Variants in BLTP1 observed in about 807,000 individuals in gnomAD.
BLTP1 encodes bridge-like lipid transfer protein family member 1, also known as fragile site-associated protein.
At chr4:122,216,611 T>C in the BLTP1 span, among the ~76,000 whole-genome samples, 1 of 152,166 alleles carries the variant, frequency 6.6e-6, no homozygotes, top group Non-Finnish European at 1.5e-5. Context: ...GATGGGATTA[T>C]TTGTTTTTTC....
the BLTP1 span, among the ~76,000 whole-genome samples, chr4:122,319,504 A>T: frequency 6.8e-6 from 1 of 147,574 alleles, no homozygotes; most frequent in South Asian, 2.1e-4. Flanking sequence ...GTTAAATTCC[A>T]CTGTGGTCTA....
chr4:122,349,712 A>T, the BLTP1 span: 3 of 1,536,340 alleles, frequency 2.0e-6, no homozygotes, highest in African/African-American at 1.4e-5. The surrounding 1 kb of genome is among the most constrained non-coding windows in gnomAD (Gnocchi z 4.5). Context: ...TCATCTGGTG[A>T]GAAAACAGCA....
the BLTP1 span, chr4:122,281,442 A>G: frequency 7.0e-7 from 1 of 1,431,460 alleles, no homozygotes; most frequent in African/African-American, 1.4e-5. Context: ...CACAGTATAT[A>G]TTTGCTATTT....
the BLTP1 span, chr4:122,298,544 A>G: frequency 5.4e-6 from 2 of 370,734 alleles, no homozygotes; most frequent in African/African-American, 4.4e-5. Flanking sequence ...AGATTCTATA[A>G]TCCATTCCAT....
the BLTP1 span, chr4:122,202,403 A>C: frequency 6.3e-6 from 1 of 157,494 alleles, no homozygotes; most frequent in Non-Finnish European, 1.4e-5. Context: ...CTCAGGGATC[A>C]ATATTATTAT....
At chr4:122,229,948 T>G in the BLTP1 span, 1 of 1,612,534 alleles carries the variant, frequency 6.2e-7, no homozygotes, top group Non-Finnish European at 8.5e-7. Context: ...CAATTCGAGT[T>G]GCAAACTGTA....
chr4:122,306,144 C>G, the BLTP1 span: 1 of 1,183,228 alleles, frequency 8.5e-7, no homozygotes, highest in Non-Finnish European at 1.2e-6. Flanking sequence ...TGCTTGACAG[C>G]TAAATGGTTC....
At chr4:122,251,467 T>C in the BLTP1 span, 1 of 930,514 alleles carries the variant, frequency 1.1e-6, no homozygotes, top group Middle Eastern at 5.5e-4. Flanking sequence ...TTATTTAATA[T>C]GTAGTTTAAT....
At chr4:122,175,772 G>T in the BLTP1 span, 49 of 942,860 alleles carry the variant, frequency 5.2e-5, no homozygotes, top group Non-Finnish European at 7.0e-5. Context: ...TTATCAATTG[G>T]CTTCCTTTTG....
chr4:122,339,487 C>A, the BLTP1 span: 1 of 956,450 alleles, frequency 1.0e-6, no homozygotes, highest in South Asian at 3.1e-5. Context: ...GTAATTAATA[C>A]ATATTTTAAA....
At chr4:122,260,859 C>A in the BLTP1 span, among the ~76,000 whole-genome samples, 11 of 151,974 alleles carry the variant, frequency 7.2e-5, no homozygotes, top group African/African-American at 2.7e-4. Flanking sequence ...CTAGCGTACA[C>A]TGATATAGAT....
chr4:122,161,995 A>G, the BLTP1 span, among the ~76,000 whole-genome samples: 1 of 152,184 alleles, frequency 6.6e-6, no homozygotes, highest in Non-Finnish European at 1.5e-5. Flanking sequence ...CTAAACCGAT[A>G]ATTACAATAC....
At chr4:122,209,697 A>G in the BLTP1 span, 503 of 1,254,468 alleles carry the variant, frequency 4.0e-4, no homozygotes, top group African/African-American at 7.4e-3. Context: ...TTTTGTGCTT[A>G]TATGTGGAGA....
the BLTP1 span, chr4:122,280,082 C>G: frequency 8.9e-6 from 14 of 1,576,322 alleles, no homozygotes; most frequent in Non-Finnish European, 1.1e-5. Context: ...AGGGTTACTT[C>G]TAAGTATCGA....
At chr4:122,318,362 G>C in the BLTP1 span, 2 of 951,084 alleles carry the variant, frequency 2.1e-6, no homozygotes, top group Non-Finnish European at 3.2e-6. Context: ...TCTAAAGCAC[G>C]TTACATGTAA....
the BLTP1 span, among the ~76,000 whole-genome samples, chr4:122,252,992 A>C: frequency 6.6e-6 from 1 of 152,310 alleles, no homozygotes; most frequent in African/African-American, 2.4e-5. Flanking sequence ...AGGGAAGATA[A>C]TAAGAGCCTC....
At chr4:122,204,508 G>C in the BLTP1 span, 1 of 982,960 alleles carries the variant, frequency 1.0e-6, no homozygotes, top group African/African-American at 1.7e-5. Context: ...AGACTTATGA[G>C]GCTAGGAGGT....
At chr4:122,221,489 G>T in the BLTP1 span, among the ~76,000 whole-genome samples, 1 of 151,886 alleles carries the variant, frequency 6.6e-6, no homozygotes, top group Non-Finnish European at 1.5e-5. Context: ...TTTTTCCATG[G>T]TTAAGTTATT....
the BLTP1 span, chr4:122,288,893 G>C: frequency 9.4e-6 from 3 of 318,218 alleles, no homozygotes; most frequent in Non-Finnish European, 1.4e-5. Context: ...AACCCATTTT[G>C]GGAGTGTACT....
Sources: allele counts gnomAD v4.1 joint callset (sites outside exome capture counted in the v4.1 genomes callset), GRCh38; gene constraint gnomAD v4.1.1; non-coding constraint Gnocchi (gnomAD v3.1); transcripts MANE v1.5; gene names NCBI Gene and HGNC (gene_info 2026-07-23, HGNC 2026-07-21).